Variants in RTL4 observed in about 807,000 individuals in gnomAD.
RTL4 encodes retrotransposon Gag-like protein 4.
Under a neutral mutation model 5.3 loss-of-function variants are expected in RTL4, and 4 were observed. The ratio of observed to expected loss-of-function variants is 0.75; its 90% CI spans 0.37 to 1.72. RTL4 has a LOEUF of 1.72. RTL4 is among the 40% of genes most tolerant of loss of function. RTL4 has a pLI of 0.04. For missense variants in RTL4, 260 were observed against 227.1 expected (o/e 1.14, Z -0.93); for synonymous variants, 98 against 87.3 (o/e 1.12, Z -0.68).
At chrX:112,332,887 T>C in the RTL4 span, among the ~76,000 whole-genome samples, 5 of 111,668 alleles carry the variant, frequency 4.5e-5, no homozygotes, top group Non-Finnish European at 9.4e-5. Context: ...CTATTGTTTT[T>C]TTCTTCCTTC....
At chrX:112,384,115 A>G in the RTL4 span, among the ~76,000 whole-genome samples, 5 of 112,277 alleles carry the variant, frequency 4.5e-5, no homozygotes, top group African/African-American at 1.6e-4. Flanking sequence ...TAATTTTATA[A>G]GAAATACCCC....
At chrX:112,249,099 A>G in the RTL4 span, among the ~76,000 whole-genome samples, 1 of 112,222 alleles carries the variant, frequency 8.9e-6, no homozygotes, top group Non-Finnish European at 1.9e-5. Flanking sequence ...TGGGTATTCA[A>G]TAGTTTTAAA....
At chrX:112,268,647 G>T in the RTL4 span, among the ~76,000 whole-genome samples, 1 of 111,493 alleles carries the variant, frequency 9.0e-6, no homozygotes, top group African/African-American at 3.3e-5. Context: ...GGATAAAGAG[G>T]TGTTTTTTTC....
chrX:112,331,030 G>A, the RTL4 span, among the ~76,000 whole-genome samples: 1 of 105,927 alleles, frequency 9.4e-6, no homozygotes, highest in Non-Finnish European at 2.0e-5. Context: ...AGACTTAAAT[G>A]TTAGACCTAA....
the RTL4 span, among the ~76,000 whole-genome samples, chrX:112,357,970 T>A: frequency 1.8e-5 from 2 of 111,101 alleles, no homozygotes; most frequent in African/African-American, 3.3e-5. Flanking sequence ...TAATTCAATC[T>A]TTTTTTTTAT....
At chrX:112,343,559 C>T in the RTL4 span, among the ~76,000 whole-genome samples, 1 of 112,084 alleles carries the variant, frequency 8.9e-6, no homozygotes, top group Non-Finnish European at 1.9e-5. Context: ...AAAATTAGAA[C>T]TGATTTCTTT....
chrX:112,236,393 T>C, the RTL4 span, among the ~76,000 whole-genome samples: 2 of 86,600 alleles, frequency 2.3e-5, no homozygotes, highest in African/African-American at 8.6e-5. Flanking sequence ...CTTTCATATA[T>C]ATATAATATA....
the RTL4 span, among the ~76,000 whole-genome samples, chrX:112,269,747 C>T: frequency 1.8e-5 from 2 of 112,125 alleles, no homozygotes; most frequent in Admixed American, 1.9e-4. Flanking sequence ...ATTCTTTTCA[C>T]TTAGTTGCCT....
chrX:112,267,835 T>A, the RTL4 span, among the ~76,000 whole-genome samples: 1 of 110,955 alleles, frequency 9.0e-6, no homozygotes, highest in South Asian at 3.9e-4. Context: ...GGAAATTATG[T>A]TAGCATTACC....
chrX:112,194,408 C>T, the RTL4 span, among the ~76,000 whole-genome samples: 3 of 110,836 alleles, frequency 2.7e-5, no homozygotes, highest in Non-Finnish European at 5.7e-5. Flanking sequence ...TTTGCTTCCC[C>T]TCTCTGTACC....
chrX:112,405,747 C>G, the RTL4 span, among the ~76,000 whole-genome samples: 1 of 109,801 alleles, frequency 9.1e-6, no homozygotes, highest in Admixed American at 9.7e-5. Flanking sequence ...ACAAAAAAAG[C>G]ACCTTTATAA....
At chrX:112,381,369 T>G in the RTL4 span, 1 of 1,205,411 alleles carries the variant, frequency 8.3e-7, no homozygotes, top group South Asian at 1.8e-5. Flanking sequence ...GAGACAAGCC[T>G]TAAAGAAAAG....
At chrX:112,194,404 T>C in the RTL4 span, among the ~76,000 whole-genome samples, 1 of 110,449 alleles carries the variant, frequency 9.1e-6, no homozygotes, top group East Asian at 2.9e-4. Flanking sequence ...AGAGTTTGCT[T>C]CCCCTCTCTG....
chrX:112,190,924 C>T, the RTL4 span, among the ~76,000 whole-genome samples: 2 of 111,905 alleles, frequency 1.8e-5, no homozygotes, highest in Non-Finnish European at 3.8e-5. Context: ...TGGCCAGACT[C>T]CTGAGCTAGA....
chrX:112,158,509 T>C, the RTL4 span, among the ~76,000 whole-genome samples: 1 of 109,402 alleles, frequency 9.1e-6, no homozygotes, highest in African/African-American at 3.3e-5. Context: ...TGTGTACATA[T>C]ACATATGTGC....
At chrX:112,184,869 C>T in the RTL4 span, among the ~76,000 whole-genome samples, 1 of 111,709 alleles carries the variant, frequency 9.0e-6, no homozygotes, top group Non-Finnish European at 1.9e-5. Flanking sequence ...AACAAAACTA[C>T]CTAAATATCA....
chrX:112,143,688 A>G, the RTL4 span, among the ~76,000 whole-genome samples: 1 of 111,854 alleles, frequency 8.9e-6, no homozygotes, highest in Admixed American at 9.5e-5. Context: ...GCTTGGTAAG[A>G]GGTCCACCTA....
the RTL4 span, among the ~76,000 whole-genome samples, chrX:112,368,246 G>A: frequency 9.0e-6 from 1 of 111,342 alleles, no homozygotes; most frequent in African/African-American, 3.3e-5. Context: ...GGGTGTGTTA[G>A]TGAAGAGAAG....
the RTL4 span, among the ~76,000 whole-genome samples, chrX:112,108,786 T>C: frequency 5.0e-4 from 56 of 111,119 alleles, no homozygotes; most frequent in African/African-American, 1.2e-3. Flanking sequence ...CCATCCGAAT[T>C]CATCCTGGTA....
Sources: gnomAD v4.1 joint callset for allele counts (sites outside exome capture counted in the v4.1 genomes callset) on GRCh38, gnomAD v4.1.1 for gene constraint, MANE v1.5 for transcripts, NCBI Gene and HGNC (gene_info 2026-07-23, HGNC 2026-07-21) for gene names.